The following NRXN3 variants were observed in gnomAD, a reference collection of about 807,000 sequenced individuals.
NRXN3 encodes neurexin 3, also known as neurexin III.
Under a neutral mutation model 137.6 loss-of-function variants are expected in NRXN3, and 32 were observed. That is an observed-to-expected ratio of 0.23 (90% CI 0.18 to 0.31). The LOEUF (loss-of-function observed/expected upper bound fraction) is 0.31, where lower values mean the gene tolerates loss of function less well. NRXN3 is among the 10% of genes least tolerant of loss of function. The probability of loss-of-function intolerance (pLI) is 1.00; values close to 1 mark genes in which losing one functional copy is unlikely to be tolerated. For synonymous variants in NRXN3, 798 were observed against 784.5 expected (o/e 1.02, Z -0.29); for missense variants, 1,574 against 2,062.5 (o/e 0.76, Z 4.59).
chr14:78,542,966 A>T (rs2096605404), intron 4 of NRXN3, among the ~76,000 whole-genome samples: 1 of 152,134 alleles, frequency 6.6e-6, no homozygotes, highest in African/African-American at 2.4e-5. Flanking sequence ...GTAGGAGAGG[A>T]TCATCACATT....
At chr14:79,605,195 A>C (rs1481288825) in intron 16 of NRXN3, among the ~76,000 whole-genome samples, 1 of 152,144 alleles carries the variant, frequency 6.6e-6, no homozygotes, top group Admixed American at 6.5e-5. Flanking sequence ...ACACATATGC[A>C]TGTCAGGAGG....
chr14:79,382,837 C>A (rs1179053457), intron 15 of NRXN3, among the ~76,000 whole-genome samples: 1 of 152,082 alleles, frequency 6.6e-6, no homozygotes, highest in Admixed American at 6.6e-5. Context: ...GAGGTTCCAA[C>A]TTTACGATTG....
chr14:78,225,974 GGTGTGTGT>G (rs71131635), intron 1 of NRXN3, among the ~76,000 whole-genome samples: 139 of 123,710 alleles, frequency 1.1e-3, no homozygotes, highest in African/African-American at 3.4e-3. Context: ...TGTGTGTGTT[GGTGTGTGT>G]GTGTGTGTGT....
At chr14:79,222,441 GT>G (rs1304986395) in intron 15 of NRXN3, among the ~76,000 whole-genome samples, 1 of 152,136 alleles carries the variant, frequency 6.6e-6, no homozygotes, top group Non-Finnish European at 1.5e-5. Flanking sequence ...GGACACCTTA[GT>G]TGGTTTTAAG....
At chr14:78,273,464 C>T (rs1388431969) in intron 2 of NRXN3, among the ~76,000 whole-genome samples, 1 of 152,172 alleles carries the variant, frequency 6.6e-6, no homozygotes, top group Non-Finnish European at 1.5e-5. Context: ...AACCTTTCCT[C>T]TTGTCACACA....
chr14:79,361,311 C>T (rs2093672455), intron 15 of NRXN3, among the ~76,000 whole-genome samples: 1 of 152,164 alleles, frequency 6.6e-6, no homozygotes, highest in Admixed American at 6.5e-5. Context: ...CTTTTCACTT[C>T]CAACCCCCTA....
chr14:78,631,786 T>C (rs1449328549), intron 4 of NRXN3, among the ~76,000 whole-genome samples: 1 of 152,052 alleles, frequency 6.6e-6, no homozygotes, highest in Non-Finnish European at 1.5e-5. Flanking sequence ...TGTTGCAGCA[T>C]CTGTAAATGG....
chr14:79,584,157 G>C (rs925949715), intron 16 of NRXN3, among the ~76,000 whole-genome samples: 5 of 152,210 alleles, frequency 3.3e-5, no homozygotes, highest in Admixed American at 1.3e-4. Context: ...GTGACAAATG[G>C]TATGTGGTAT....
chr14:78,934,624 G>T (rs2099330413), intron 10 of NRXN3, among the ~76,000 whole-genome samples: 1 of 152,126 alleles, frequency 6.6e-6, no homozygotes, highest in South Asian at 2.1e-4. Context: ...CACCATTTAA[G>T]AAGAAATAAA....
At chr14:79,030,607 A>C (rs2099606221) in intron 15 of NRXN3, among the ~76,000 whole-genome samples, 1 of 138,976 alleles carries the variant, frequency 7.2e-6, no homozygotes, top group South Asian at 2.4e-4. Flanking sequence ...TTGTACAGGT[A>C]CATGGCTTTT....
intron 8 of NRXN3, among the ~76,000 whole-genome samples, chr14:78,768,616 T>G (rs1180380801): frequency 1.3e-5 from 2 of 152,188 alleles, no homozygotes; most frequent in Admixed American, 6.6e-5. Context: ...CATAAGTAGA[T>G]AAAAATATGT....
intron 6 of NRXN3, among the ~76,000 whole-genome samples, chr14:78,664,035 G>C (rs1032388455): frequency 2.0e-5 from 3 of 152,130 alleles, no homozygotes; most frequent in African/African-American, 7.2e-5. Context: ...AATAGTTCCT[G>C]CATAGATTTC....
At chr14:79,341,409 A>G (rs1280760803) in intron 15 of NRXN3, among the ~76,000 whole-genome samples, 4 of 152,136 alleles carry the variant, frequency 2.6e-5, no homozygotes, top group Non-Finnish European at 4.4e-5. Flanking sequence ...TCAAAGTGCG[A>G]TCCACAAAAC....
chr14:79,255,345 T>C (rs2076438312), intron 15 of NRXN3, among the ~76,000 whole-genome samples: 1 of 152,188 alleles, frequency 6.6e-6, no homozygotes, highest in South Asian at 2.1e-4. Flanking sequence ...TAGCTGATGA[T>C]AGCTAATAGG....
intron 17 of NRXN3, among the ~76,000 whole-genome samples, chr14:79,680,443 TTGTGTG>T (rs112213664): frequency 6.7e-6 from 1 of 150,208 alleles, no homozygotes; most frequent in African/African-American, 2.4e-5. Flanking sequence ...GTAGGACTGT[TTGTGTG>T]TGTGTGTGTG....
chr14:79,089,798 T>A (rs1296359464), intron 15 of NRXN3, among the ~76,000 whole-genome samples: 6 of 152,096 alleles, frequency 3.9e-5, no homozygotes. Context: ...CATCATTCAG[T>A]GGACTTGAAA....
intron 20 of NRXN3, among the ~76,000 whole-genome samples, chr14:79,815,164 T>C (rs2099247910): frequency 6.6e-6 from 1 of 152,162 alleles, no homozygotes; most frequent in South Asian, 2.1e-4. Flanking sequence ...TATCCAAATG[T>C]TGGACTCTAC....
At chr14:78,662,527 C>A (rs2097849910) in intron 6 of NRXN3, among the ~76,000 whole-genome samples, 2 of 152,108 alleles carry the variant, frequency 1.3e-5, no homozygotes, top group Non-Finnish European at 2.9e-5. Context: ...TTCTCCAACA[C>A]TCAAGGCATC....
At chr14:79,138,361 C>T (rs1363506882) in intron 15 of NRXN3, among the ~76,000 whole-genome samples, 1 of 152,170 alleles carries the variant, frequency 6.6e-6, no homozygotes, top group Non-Finnish European at 1.5e-5. Context: ...CACTGTATTG[C>T]CCAGACTGCT....
Sources: allele counts gnomAD v4.1 joint callset (sites outside exome capture counted in the v4.1 genomes callset), GRCh38; gene constraint gnomAD v4.1.1; transcripts MANE v1.5; gene names NCBI Gene and HGNC (gene_info 2026-07-23, HGNC 2026-07-21).